Variants in MAPK4 observed in about 807,000 individuals in gnomAD.
MAPK4 encodes the protein Erk3-related.
Under a neutral mutation model 47.7 loss-of-function variants are expected in MAPK4, and 22 were observed. The observed-to-expected ratio is 0.46, with a 90% CI of 0.33 to 0.66. The LOEUF is 0.66. MAPK4 is among the 30% of genes least tolerant of loss of function. The probability of loss-of-function intolerance (pLI) is 0.02; values close to 1 mark genes in which losing one functional copy is unlikely to be tolerated. For missense variants in MAPK4, 736 were observed against 831.7 expected (o/e 0.88, Z 1.42); for synonymous variants, 390 against 365.7 (o/e 1.07, Z -0.76).
intron 1 of MAPK4, among the ~76,000 whole-genome samples, chr18:50,618,117 A>G (rs1236147855): frequency 6.6e-6 from 1 of 152,186 alleles, no homozygotes; most frequent in East Asian, 1.9e-4. Context: ...TCAAGCCTAC[A>G]TAAAGTTTAG....
chr18:50,622,365 C>G (rs549483920), intron 1 of MAPK4, among the ~76,000 whole-genome samples: 4 of 152,326 alleles, frequency 2.6e-5, no homozygotes, highest in Non-Finnish European at 5.9e-5. Context: ...TTAGCTTCCT[C>G]TGATGTGTGG....
chr18:50,574,512 T>A (rs1447309156), intron 1 of MAPK4, among the ~76,000 whole-genome samples: 1 of 152,178 alleles, frequency 6.6e-6, no homozygotes, highest in Non-Finnish European at 1.5e-5. Context: ...AGAGGTGACA[T>A]GGTATACAGA....
intron 1 of MAPK4, among the ~76,000 whole-genome samples, chr18:50,611,785 T>C (rs2042637826): frequency 6.6e-6 from 1 of 152,182 alleles, no homozygotes; most frequent in South Asian, 2.1e-4. Context: ...GAACACTGGA[T>C]TGAACAACTG....
At chr18:50,704,313 C>T (rs1384487037) in intron 2 of MAPK4, among the ~76,000 whole-genome samples, 1 of 152,084 alleles carries the variant, frequency 6.6e-6, no homozygotes, top group Non-Finnish European at 1.5e-5. Flanking sequence ...AGTTCGAGAC[C>T]AACTGGCCAA....
At chr18:50,699,431 G>A (rs866228883) in intron 2 of MAPK4, among the ~76,000 whole-genome samples, 5 of 152,260 alleles carry the variant, frequency 3.3e-5, no homozygotes, top group Middle Eastern at 6.8e-3. Context: ...TGATTTGATC[G>A]TTTAAATAAA....
At chr18:50,701,389 T>G (rs1272675569) in intron 2 of MAPK4, among the ~76,000 whole-genome samples, 1 of 152,190 alleles carries the variant, frequency 6.6e-6, no homozygotes, top group Non-Finnish European at 1.5e-5. Context: ...AGCAATCTGT[T>G]AGCAAATGGG....
At chr18:50,631,831 A>T (rs1161113903) in intron 1 of MAPK4, among the ~76,000 whole-genome samples, 2 of 152,252 alleles carry the variant, frequency 1.3e-5, no homozygotes, top group Admixed American at 1.3e-4. Flanking sequence ...GTTTTCAGAC[A>T]GATACTAAAC....
chr18:50,717,880 A>G (rs1269464039), intron 3 of MAPK4, among the ~76,000 whole-genome samples: 1 of 152,202 alleles, frequency 6.6e-6, no homozygotes, highest in Non-Finnish European at 1.5e-5. Context: ...TCACCTGTCA[A>G]AGCCCCTGGC....
chr18:50,573,451 G>C (rs1234083947), intron 1 of MAPK4, among the ~76,000 whole-genome samples: 1 of 152,168 alleles, frequency 6.6e-6, no homozygotes, highest in Non-Finnish European at 1.5e-5. Context: ...ATTCTCATAG[G>C]AGCACAAACC....
intron 1 of MAPK4, among the ~76,000 whole-genome samples, chr18:50,595,499 A>G (rs1184804884): frequency 6.6e-6 from 1 of 152,194 alleles, no homozygotes; most frequent in African/African-American, 2.4e-5. Flanking sequence ...ACTAATACAG[A>G]GTGGTAGAAA....
chr18:50,722,084 G>A lies in MAPK4; in HGVS notation c.838G>A (p.Glu280Lys), dbSNP rs1910966925. 6.2e-7 allele frequency: 1 copy of A among 1,612,544 alleles called. No homozygotes were observed. The highest frequency in any genetic ancestry group is 2.2e-5 in the East Asian group (1 of 44,778). The change falls in exon 4 of 6, where the codon GAA becomes AAA. Residue 280 changes from glutamate to lysine, a missense_variant. Glu to Lys is a moderately conservative substitution (Grantham distance 56). Around this residue, in one of 3 missense-constraint regions of MAPK4, gnomAD observed 327 missense variants for 395.4 expected, o/e 0.83. Coordinates refer to ENST00000400384, the MANE Select transcript of MAPK4 (RefSeq NM_002747.4). Reference sequence around the variant, plus strand: ...GAGGCCTCTGCGCAAGCTGCTCCCTGAAGTGAACAGTGAAGGTACCTGAGC... The same window carrying A: ...GAGGCCTCTGCGCAAGCTGCTCCCTAAAGTGAACAGTGAAGGTACCTGAGC... ...VKRPLRKLLP[E>K]VNSEAIDFLE...
chr18:50,613,931 T>C (rs909424638), intron 1 of MAPK4, among the ~76,000 whole-genome samples: 3 of 152,168 alleles, frequency 2.0e-5, no homozygotes, highest in Non-Finnish European at 4.4e-5. Flanking sequence ...AGAAGACAAA[T>C]GAATGAAATA....
chr18:50,678,652 A>G lies in MAPK4; in HGVS notation c.546+14148A>G, dbSNP rs752560958. Among the ~76,000 whole-genome samples, 6 of 152,094 alleles carry G rather than the reference A, an allele frequency of 3.9e-5. No individual in the cohort carries two copies. Among genetic ancestry groups the G allele is most frequent in the Admixed American group, 6.5e-5 (1 of 15,272 alleles). Reference sequence around the variant, plus strand: ...CAGCTTTTTTTCCCTCCCTTTTTCAATAATTCCCAAAAATATATAAAATGA... The same window carrying G: ...CAGCTTTTTTTCCCTCCCTTTTTCAGTAATTCCCAAAAATATATAAAATGA... On this transcript the variant is annotated intron_variant, in intron 2 of 5. Transcript: ENST00000400384. The surrounding 1 kb of genome is among the most constrained non-coding windows in gnomAD (Gnocchi z 4.2).
At chr18:50,694,478 C>A (rs1330543826) in intron 2 of MAPK4, among the ~76,000 whole-genome samples, 5 of 152,228 alleles carry the variant, frequency 3.3e-5, no homozygotes, top group Non-Finnish European at 7.3e-5. Flanking sequence ...TCTCTTGTAT[C>A]TTCTCCATCC....
intron 2 of MAPK4, 118 bp from the exon 3 acceptor site, chr18:50,714,961 C>A: frequency 9.9e-7 from 1 of 1,005,212 alleles, no homozygotes; most frequent in Non-Finnish European, 1.5e-6. Context: ...GGGAAAGGGG[C>A]AAGAATGAAA....
Position 50,664,487 on chromosome 18 carries a change from C to A in MAPK4, c.529C>A (p.Gln177Lys). Residue 177 changes from glutamine (Q) to lysine (K), a missense_variant, in exon 2 of 6, where the codon CAG (glutamine) becomes AAG (lysine). Around this residue, in one of 3 missense-constraint regions of MAPK4, gnomAD observed 327 missense variants for 395.4 expected, o/e 0.83. Transcript: ENST00000400384. This position sits in a 1 kb window ranked among gnomAD's most constrained non-coding sequence, Gnocchi z 6.0. ...TTTCGGGTTGGCAAGGATCGTTGAT[C>A]AGCATTACTCCCACAAGGTATGTCT... is the stretch of plus-strand genomic sequence containing the variant. ...GDFGLARIVD[Q>K]HYSHKGYLSE... 1 of 1,596,018 alleles carries A rather than the reference C, an allele frequency of 6.3e-7. No individual in the cohort carries two copies.
chr18:50,673,994 T>G (rs1182179914), intron 2 of MAPK4, among the ~76,000 whole-genome samples: 2 of 152,220 alleles, frequency 1.3e-5, no homozygotes, highest in African/African-American at 4.8e-5. Flanking sequence ...AATGTGTCTT[T>G]TTTTCTCCAG....
chr18:50,574,295 G>A (rs893448215), intron 1 of MAPK4, among the ~76,000 whole-genome samples: 1 of 151,954 alleles, frequency 6.6e-6, no homozygotes, highest in Non-Finnish European at 1.5e-5. Flanking sequence ...TTGGATTTAA[G>A]GTATTTTCTC....
At chr18:50,590,526 C>T (rs1370495016) in intron 1 of MAPK4, among the ~76,000 whole-genome samples, 1 of 152,214 alleles carries the variant, frequency 6.6e-6, no homozygotes, top group African/African-American at 2.4e-5. Context: ...CAGTCCAGCT[C>T]ACCACACCTT....
Sources: allele counts gnomAD v4.1 joint callset (sites outside exome capture counted in the v4.1 genomes callset), GRCh38; gene constraint gnomAD v4.1.1; regional missense constraint gnomAD v4.1.1; non-coding constraint Gnocchi (gnomAD v3.1); transcripts MANE v1.5; gene names NCBI Gene and HGNC (gene_info 2026-07-23, HGNC 2026-07-21).